DIP2C: variants seen among roughly 807,000 people sequenced by gnomAD.
DIP2C encodes DIP2 acetate--CoA ligase C (putative).
In DIP2C, 33 loss-of-function variants were observed where a neutral mutation model predicts 192.4. The ratio of observed to expected loss-of-function variants is 0.17; its 90% CI spans 0.13 to 0.23. The LOEUF is 0.23. Ranked by LOEUF, DIP2C falls within the 10% of genes least tolerant of loss-of-function variation. The pLI is 1.00. For synonymous variants in DIP2C, 979 were observed against 864.1 expected (o/e 1.13, Z -2.33); for missense variants, 1,537 against 2,110.1 (o/e 0.73, Z 5.32).
In DIP2C at chr10:337,440, T is replaced by C. The variant is rs577016342; in HGVS notation, c.3584+3759A>G. On this transcript the variant is annotated intron_variant, in intron 29 of 36. Coordinates refer to ENST00000280886, the MANE Select transcript of DIP2C (RefSeq NM_014974.3). ...TGTGTGTTGTGGAGGCCTAGGCTGA[T>C]TGTGTGTGCGTGTGTGTTGTGGAGG... Among the ~76,000 whole-genome samples the C allele has an allele frequency of 4.0e-4, 42 of 105,604 alleles. 2 individuals are homozygous for C. Among genetic ancestry groups the C allele is most frequent in the Admixed American group, 1.5e-3 (16 of 10,692 alleles). 69.3% of individuals were successfully genotyped at this position (105,604 alleles called of 152,430 possible).
At chr10:478,001 GGAAAAAA>G (rs1159505730) in intron 2 of DIP2C, among the ~76,000 whole-genome samples, 2 of 27,534 alleles carry the variant, frequency 7.3e-5, no homozygotes, top group Non-Finnish European at 1.3e-4. Flanking sequence ...AGATAGAAGA[GGAAAAAA>G]GAGGGGAGGG....
intron 1 of DIP2C, among the ~76,000 whole-genome samples, chr10:633,432 G>A (rs773895369): frequency 2.0e-5 from 3 of 152,246 alleles, no homozygotes; most frequent in Non-Finnish European, 4.4e-5. Flanking sequence ...GTGCTGCAGA[G>A]CGGACGCGGG....
chr10:556,753 C>A (rs116957129), intron 1 of DIP2C, among the ~76,000 whole-genome samples: 1 of 152,156 alleles, frequency 6.6e-6, no homozygotes, highest in Non-Finnish European at 1.5e-5. Flanking sequence ...TTGAAAACAA[C>A]GTTTTTTCTT....
intron 2 of DIP2C, among the ~76,000 whole-genome samples, chr10:483,212 A>G (rs11252670): frequency 0.36 from 54,647 of 152,096 alleles, 11,607 homozygotes; most frequent in Non-Finnish European, 0.49. Flanking sequence ...AGGAATAGGA[A>G]TGTAAATGTT....
chr10:389,826 A>G (rs1963311625), intron 13 of DIP2C, among the ~76,000 whole-genome samples, 165 bp downstream of exon 13: 1 of 152,262 alleles, frequency 6.6e-6, no homozygotes, highest in South Asian at 2.1e-4. Flanking sequence ...AGTATTTGCT[A>G]TGGTAGGCTG....
chr10:337,754 ATG>A (rs1331224124), intron 29 of DIP2C, among the ~76,000 whole-genome samples: 8 of 11,798 alleles, frequency 6.8e-4, no homozygotes, highest in Admixed American at 3.9e-3. Context: ...GACTAGGCTG[ATG>A]TGTGTGTGTG....
chr10:589,130 T>TTCTC (rs1447943388), intron 1 of DIP2C, among the ~76,000 whole-genome samples: 3 of 152,150 alleles, frequency 2.0e-5, no homozygotes, highest in African/African-American at 7.2e-5. Context: ...CTCCCCGTCC[T>TTCTC]TCTCGATGGA....
intron 1 of DIP2C, among the ~76,000 whole-genome samples, chr10:677,415 A>G (rs890657317): frequency 3.3e-5 from 5 of 152,202 alleles, no homozygotes; most frequent in African/African-American, 9.6e-5. Flanking sequence ...CTCCTTAAGG[A>G]TGACTTCCTG....
At chr10:457,161 G>A (rs936117488) in intron 3 of DIP2C, among the ~76,000 whole-genome samples, 1 of 152,152 alleles carries the variant, frequency 6.6e-6, no homozygotes, top group African/African-American at 2.4e-5. Context: ...GAGGACAAGC[G>A]TGATGACTTC....
intron 1 of DIP2C, among the ~76,000 whole-genome samples, chr10:613,553 A>C (rs1853239254): frequency 6.6e-6 from 1 of 152,226 alleles, no homozygotes. Context: ...TCCACCCTGG[A>C]AATATGCGAT....
intron 9 of DIP2C, among the ~76,000 whole-genome samples, chr10:399,763 C>T (rs1964271686): frequency 6.6e-6 from 1 of 152,206 alleles, no homozygotes; most frequent in Non-Finnish European, 1.5e-5. Flanking sequence ...CAGTGGGCTG[C>T]TTCACACATG....
chr10:418,017 C>T (rs368312944), intron 6 of DIP2C, among the ~76,000 whole-genome samples: 1,712 of 12,412 alleles, frequency 0.14, 305 homozygotes, highest in Non-Finnish European at 0.16. Context: ...AGGGCGCGGA[C>T]AGGCCTCCCT....
intron 1 of DIP2C, among the ~76,000 whole-genome samples, chr10:611,475 G>GT (rs1371021321): frequency 2.0e-5 from 3 of 152,058 alleles, no homozygotes; most frequent in Non-Finnish European, 4.4e-5. Context: ...AGCACAGACT[G>GT]TTTTTGGGAA....
intron 1 of DIP2C, among the ~76,000 whole-genome samples, chr10:525,933 AG>A (rs1268205849): frequency 1.3e-5 from 2 of 152,212 alleles, no homozygotes; most frequent in Non-Finnish European, 2.9e-5. Context: ...CAAGTAGCCC[AG>A]GTGAGCTGCT....
intron 1 of DIP2C, among the ~76,000 whole-genome samples, chr10:605,954 T>C (rs915631378): frequency 6.1e-4 from 93 of 152,314 alleles, no homozygotes; most frequent in African/African-American, 2.2e-3. Context: ...TGGGCCCATC[T>C]GAAAGGTCCC....
intron 17 of DIP2C, among the ~76,000 whole-genome samples, chr10:379,971 C>T (rs943628450): frequency 6.6e-6 from 1 of 151,672 alleles, no homozygotes; most frequent in African/African-American, 2.4e-5. Flanking sequence ...AAGAGGATGT[C>T]CCTAGAAGAT....
chr10:509,483 A>T (rs1845861775), intron 1 of DIP2C, among the ~76,000 whole-genome samples: 1 of 152,108 alleles, frequency 6.6e-6, no homozygotes, highest in Admixed American at 6.5e-5. Flanking sequence ...CCCACACCCC[A>T]AAGACAGACT....
intron 1 of DIP2C, among the ~76,000 whole-genome samples, chr10:563,941 T>C (rs1849337605): frequency 6.6e-6 from 1 of 152,224 alleles, no homozygotes; most frequent in Non-Finnish European, 1.5e-5. Flanking sequence ...ATTCAGGGAA[T>C]CGATGCTGAA....
chr10:392,936 A>G (rs957929408), intron 10 of DIP2C, among the ~76,000 whole-genome samples: 1 of 152,208 alleles, frequency 6.6e-6, no homozygotes, highest in African/African-American at 2.4e-5. Context: ...AAGGGACCAG[A>G]CAGATGGACC....
Sources: gnomAD v4.1 joint callset for allele counts (sites outside exome capture counted in the v4.1 genomes callset) on GRCh38, gnomAD v4.1.1 for gene constraint, MANE v1.5 for transcripts, NCBI Gene and HGNC (gene_info 2026-07-23, HGNC 2026-07-21) for gene names.